LINC00632: variants seen among roughly 807,000 people sequenced by gnomAD.
The protein encoded by LINC00632 is long independently transcribed non-coding RNA 632, also known as ALDOA related specific transcript.
At chrX:140,752,353 A>G (rs1430091018) in intron 3 of LINC00632, among the ~76,000 whole-genome samples, 2 of 111,714 alleles carry the variant, frequency 1.8e-5, no homozygotes, top group Non-Finnish European at 3.8e-5. Flanking sequence ...TGTCTCTAAC[A>G]TCAACAATAC....
chrX:140,719,127 C>T (rs1174046307), intron 2 of LINC00632, among the ~76,000 whole-genome samples: 2 of 112,082 alleles, frequency 1.8e-5, no homozygotes, highest in Non-Finnish European at 3.8e-5. Flanking sequence ...CTTCCCTATA[C>T]AACACTAAGA....
intron 3 of LINC00632, among the ~76,000 whole-genome samples, chrX:140,740,368 T>C (rs181120375): frequency 1.1e-3 from 127 of 111,362 alleles, no homozygotes; most frequent in African/African-American, 4.1e-3. Flanking sequence ...CTTCTCTAGT[T>C]TTTGTTTTAT....
At chrX:140,761,162 G>C (rs754590156) in intron 3 of LINC00632, among the ~76,000 whole-genome samples, 57 of 112,515 alleles carry the variant, frequency 5.1e-4, no homozygotes, top group African/African-American at 1.7e-3. Context: ...ACACACTCAA[G>C]TACAGCTGCA....
intron 3 of LINC00632, among the ~76,000 whole-genome samples, chrX:140,755,014 G>A (rs1288229241): frequency 1.8e-5 from 2 of 111,574 alleles, no homozygotes; most frequent in East Asian, 5.7e-4. Flanking sequence ...TCTCAGAGCC[G>A]TAGGTACTTG....
At chrX:140,748,741 A>G (rs1931363889) in intron 3 of LINC00632, among the ~76,000 whole-genome samples, 1 of 108,232 alleles carries the variant, frequency 9.2e-6, no homozygotes, top group African/African-American at 3.3e-5. Flanking sequence ...TGTGAGGGCA[A>G]GTGAGAAAAT....
exon 5 of LINC00632, among the ~76,000 whole-genome samples, chrX:140,775,082 C>T (rs1369225360): frequency 9.0e-6 from 1 of 111,669 alleles, no homozygotes; most frequent in African/African-American, 3.3e-5. Context: ...TTCCAGATTT[C>T]CTTTGGTAGC....
chrX:140,726,143 T>C (rs1468709803), intron 2 of LINC00632, among the ~76,000 whole-genome samples: 2 of 110,930 alleles, frequency 1.8e-5, no homozygotes, highest in Non-Finnish European at 3.8e-5. Flanking sequence ...ACATGCTCCA[T>C]AGCACCCAGA....
chrX:140,759,063 C>G (rs1363245981), intron 3 of LINC00632, among the ~76,000 whole-genome samples: 1 of 103,762 alleles, frequency 9.6e-6, no homozygotes, highest in Non-Finnish European at 2.0e-5. Context: ...CTCCCGGGTT[C>G]AAGCGATTCT....
intron 3 of LINC00632, among the ~76,000 whole-genome samples, chrX:140,740,240 T>A (rs1032895117): frequency 1.8e-5 from 2 of 111,919 alleles, no homozygotes; most frequent in Admixed American, 9.5e-5. Flanking sequence ...CTGTTTTTCT[T>A]CATAAGTAAG....
intron 3 of LINC00632, among the ~76,000 whole-genome samples, chrX:140,769,672 C>T (rs995131946): frequency 1.9e-4 from 21 of 111,266 alleles, no homozygotes; most frequent in African/African-American, 6.2e-4. Context: ...TATGATTTGC[C>T]TCAACAAATC....
At chrX:140,719,804 C>G (rs1391654775) in intron 2 of LINC00632, among the ~76,000 whole-genome samples, 2 of 108,910 alleles carry the variant, frequency 1.8e-5, no homozygotes, top group African/African-American at 6.7e-5. Flanking sequence ...AGACTCACAT[C>G]CCAGGCCAGG....
intron 3 of LINC00632, among the ~76,000 whole-genome samples, chrX:140,757,077 C>G (rs5907053): frequency 5.5e-4 from 60 of 108,407 alleles, no homozygotes; most frequent in African/African-American, 1.8e-3. Flanking sequence ...AATAGAACTG[C>G]CAATTAATCA....
At chrX:140,741,951 G>A (rs1328856217) in intron 3 of LINC00632, among the ~76,000 whole-genome samples, 2 of 112,032 alleles carry the variant, frequency 1.8e-5, no homozygotes, top group Admixed American at 1.9e-4. Context: ...TCTCACTGAT[G>A]GGAGATGGCG....
At chrX:140,729,860 C>T (rs6654397) in intron 2 of LINC00632, among the ~76,000 whole-genome samples, 4,854 of 107,325 alleles carry the variant, frequency 0.045, 320 homozygotes, top group African/African-American at 0.16. Flanking sequence ...TTATATATGC[C>T]TCTTCTTTTC....
exon 5 of LINC00632, among the ~76,000 whole-genome samples, chrX:140,781,472 G>A (rs1446566590): frequency 9.0e-6 from 1 of 111,095 alleles, no homozygotes; most frequent in Non-Finnish European, 1.9e-5. Context: ...ATTTAATTTT[G>A]GCTCTGAATA....
chrX:140,773,675 T>C (rs1931837524), exon 4 of LINC00632, among the ~76,000 whole-genome samples: 1 of 112,143 alleles, frequency 8.9e-6, no homozygotes. Flanking sequence ...AAATCTTGAC[T>C]TCACAGTGTT....
intron 3 of LINC00632, among the ~76,000 whole-genome samples, chrX:140,740,456 C>T (rs1162512740): frequency 1.8e-5 from 2 of 110,820 alleles, no homozygotes; most frequent in Non-Finnish European, 3.8e-5. Flanking sequence ...AACATAAAAT[C>T]GAGATTTGTC....
At chrX:140,748,894 A>AAT (rs1320194053) in intron 3 of LINC00632, among the ~76,000 whole-genome samples, 21 of 106,851 alleles carry the variant, frequency 2.0e-4, no homozygotes, top group Non-Finnish European at 3.5e-4. Flanking sequence ...TATAAAATAA[A>AAT]ATATATATAT....
chrX:140,782,640 C>A (rs1040605338), exon 5 of LINC00632: 6 of 111,601 alleles, frequency 5.4e-5, no homozygotes, highest in African/African-American at 2.0e-4. Context: ...GCACTTACAT[C>A]ATTCAGTTTT....
Sources: gnomAD v4.1 joint callset for allele counts (sites outside exome capture counted in the v4.1 genomes callset) on GRCh38, gnomAD v4.1.1 for gene constraint, MANE v1.5 for transcripts, NCBI Gene and HGNC (gene_info 2026-07-23, HGNC 2026-07-21) for gene names.